The following BTBD9 variants were observed in gnomAD, a reference collection of about 807,000 sequenced individuals.
BTBD9 encodes BTB/POZ domain-containing protein 9.
Under a neutral mutation model 64.3 loss-of-function variants are expected in BTBD9, and 49 were observed. That is an observed-to-expected ratio of 0.76 (90% CI 0.61 to 0.97). The LOEUF is 0.97. BTBD9 is among the 50% of genes least tolerant of loss of function. The probability of loss-of-function intolerance (pLI) is 0.00; values close to 1 mark genes in which losing one functional copy is unlikely to be tolerated. For missense variants in BTBD9, 598 were observed against 762.1 expected (o/e 0.78, Z 2.53); for synonymous variants, 260 against 274.7 (o/e 0.95, Z 0.53).
intron 7 of BTBD9, among the ~76,000 whole-genome samples, chr6:38,301,492 G>C (rs1762402442): frequency 6.6e-6 from 1 of 152,112 alleles, no homozygotes; most frequent in South Asian, 2.1e-4. Flanking sequence ...TCTGGTCCTG[G>C]ACTTTTTTTG....
At chr6:38,587,495 T>C in intron 4 of BTBD9, 1 of 551,464 alleles carries the variant, frequency 1.8e-6, no homozygotes, top group Non-Finnish European at 3.5e-6. Context: ...GAAGTAACAA[T>C]AAAGTATAAA....
intron 6 of BTBD9, among the ~76,000 whole-genome samples, chr6:38,352,105 T>C (rs1046254868): frequency 2.0e-5 from 3 of 152,170 alleles, no homozygotes; most frequent in Non-Finnish European, 4.4e-5. Context: ...GGTCAGGCAC[T>C]GTAGCTCATG....
intron 10 of BTBD9, 49 bp from the exon 11 acceptor site, chr6:38,175,231 C>T (rs369547822): frequency 1.9e-5 from 31 of 1,599,010 alleles, no homozygotes; most frequent in Middle Eastern, 1.7e-4. Flanking sequence ...CAGCATGCGG[C>T]CCTGGAGTTG....
intron 6 of BTBD9, among the ~76,000 whole-genome samples, chr6:38,377,040 C>A (rs1448789186): frequency 1.3e-5 from 2 of 152,154 alleles, no homozygotes; most frequent in Admixed American, 6.5e-5. Context: ...TTTTAGTTGA[C>A]AGATGAGGTC....
chr6:38,178,134 AG>A (rs1383747428), intron 10 of BTBD9, among the ~76,000 whole-genome samples: 7 of 152,362 alleles, frequency 4.6e-5, no homozygotes, highest in African/African-American at 1.7e-4. Flanking sequence ...CAAGCCACGC[AG>A]GTGCTGCCAG....
chr6:38,175,546 CAGG>C (rs1761196280), intron 10 of BTBD9, among the ~76,000 whole-genome samples: 1 of 116,082 alleles, frequency 8.6e-6, no homozygotes, highest in Non-Finnish European at 2.1e-5. Context: ...TAAAAGTCAA[CAGG>C]AGTTGACTGG....
rs545293510 is a variant in BTBD9, at chr6:38,329,056, C to T, written c.1264+15928G>A. Among the ~76,000 whole-genome samples, 651 of 147,524 alleles carry T rather than the reference C, an allele frequency of 4.4e-3. 2 individuals carry two copies. Among genetic ancestry groups the T allele is most frequent in the Admixed American group, 6.2e-3 (91 of 14,752 alleles). ...ATCGATCTGGCTATAAAGATGGCAT[C>T]CTACTTCTATTTTATATTCTATTAT... On this transcript the variant is annotated intron_variant, in intron 7 of 10. Coordinates refer to ENST00000481247, the MANE Select transcript of BTBD9 (RefSeq NM_001099272.2).
intron 6 of BTBD9, among the ~76,000 whole-genome samples, chr6:38,545,900 A>T (rs1020186707): frequency 1.4e-5 from 2 of 139,040 alleles, no homozygotes; most frequent in African/African-American, 2.7e-5. Context: ...ACACACACAC[A>T]CTGCTCCAGG....
intron 6 of BTBD9, among the ~76,000 whole-genome samples, chr6:38,556,716 T>C (rs1043632541): frequency 1.3e-5 from 2 of 151,336 alleles, no homozygotes; most frequent in African/African-American, 4.9e-5. Flanking sequence ...GACAGCACTG[T>C]GTGTTTAAAA....
At chr6:38,361,895 C>T (rs890757852) in intron 6 of BTBD9, among the ~76,000 whole-genome samples, 2 of 151,292 alleles carry the variant, frequency 1.3e-5, no homozygotes, top group African/African-American at 2.4e-5. Context: ...AACAACTCCA[C>T]AAGTATTTCA....
intron 1 of BTBD9, among the ~76,000 whole-genome samples, chr6:38,604,529 A>G (rs1777360111): frequency 6.6e-6 from 1 of 152,218 alleles, no homozygotes; most frequent in South Asian, 2.1e-4. Context: ...AAGATTAATA[A>G]AAGTCTCTAC....
At chr6:38,377,150 C>T (rs917285934) in intron 6 of BTBD9, among the ~76,000 whole-genome samples, 1 of 152,116 alleles carries the variant, frequency 6.6e-6, no homozygotes, top group Non-Finnish European at 1.5e-5. Context: ...CAAAGTGCTA[C>T]CAGTCGATTT....
rs200888993 is a variant in BTBD9, at chr6:38,303,868, TATATATAC to T, written c.1265-15415_1265-15408del. Among the ~76,000 whole-genome samples, 2,823 of 117,068 alleles carry T rather than the reference TATATATAC, an allele frequency of 0.024. 194 individuals are homozygous for T. In the East Asian group the frequency reaches 0.3, roughly 13 times the overall value. 76.8% of individuals were successfully genotyped at this position (117,068 alleles called of 152,430 possible). A position where few individuals can be genotyped will look rare whatever the true frequency, so the allele number is the denominator to read the frequency against. On this transcript the variant is annotated intron_variant, in intron 7 of 10. Coordinates refer to ENST00000481247, the MANE Select transcript of BTBD9 (RefSeq NM_001099272.2). ...ATATATATATATATATATATATATA[TATATATAC>T]ACACACACACATGTGTATATATATA...
rs1766665092 is a variant in BTBD9, at chr6:38,169,603, C to G, written c.*5382G>C. 1 of 152,276 alleles carries G rather than the reference C, an allele frequency of 6.6e-6. No individual in the cohort carries two copies. Among genetic ancestry groups the G allele is most frequent in the Non-Finnish European group, 1.5e-5 (1 of 68,122 alleles). 9.4% of individuals were successfully genotyped at this position (152,276 alleles called of 1,614,324 possible). A position where few individuals can be genotyped will look rare whatever the true frequency, so the allele number is the denominator to read the frequency against. ...CTCTGCGCCAGGGCCAGGGCCTCTC[C>G]CCCTAGTGGAGCGACTGTCCACTGG... On this transcript the variant is annotated 3_prime_UTR_variant, in exon 11 of 11. Transcript: ENST00000481247.
intron 6 of BTBD9, among the ~76,000 whole-genome samples, chr6:38,498,393 TTTCA>T (rs1772048626): frequency 6.6e-6 from 1 of 151,752 alleles, no homozygotes; most frequent in Non-Finnish European, 1.5e-5. Flanking sequence ...GCTAAATTTC[TTTCA>T]TTATTTAGAG....
At position 38,174,645 on chromosome 6, in the gene BTBD9, C is replaced by A. The variant is rs1766919528; in HGVS notation, c.*340G>T. ...TCTCCTCCGCCTGAGTGTTTGCGTG[C>A]CATTTTTGTATTCCAACACAGGCCT... On this transcript the variant is annotated 3_prime_UTR_variant, in exon 11 of 11. Transcript: ENST00000481247. The A allele has an allele frequency of 7.2e-6, 2 of 277,040 alleles. No individual in the cohort carries two copies. The highest frequency in any genetic ancestry group is 2.2e-5 in the African/African-American group (1 of 46,426). The allele number at this position is 277,040 out of a possible 1,614,324, so 17.2% of individuals were successfully genotyped here.
intron 8 of BTBD9, among the ~76,000 whole-genome samples, chr6:38,284,169 T>C (rs1416727067): frequency 6.6e-6 from 1 of 152,054 alleles, no homozygotes; most frequent in Non-Finnish European, 1.5e-5. Context: ...GAGCTTCAAT[T>C]GCATGGATTT....
rs527456920 is a variant in BTBD9 at position 38,317,752 on chromosome 6, T to C, written c.1264+27232A>G. ...GCCTGTCTTCAAGCTCAGGCTTTTC[T>C]TTTTTCTGCTTGATCAGTTCTGCTA... On this transcript the variant is annotated intron_variant, in intron 7 of 10. Coordinates refer to ENST00000481247, the MANE Select transcript of BTBD9 (RefSeq NM_001099272.2). 4.9e-4 allele frequency among the ~76,000 whole-genome samples: 75 copies of C among 152,254 alleles called. 1 individual carries two copies. The South Asian group carries it at 0.015, about 31-fold the overall frequency.
chr6:38,503,485 C>A (rs1772309852), intron 6 of BTBD9, among the ~76,000 whole-genome samples: 1 of 152,150 alleles, frequency 6.6e-6, no homozygotes, highest in African/African-American at 2.4e-5. Flanking sequence ...ACAGCCCTCT[C>A]AAGTTACTAT....
Sources: gnomAD v4.1 joint callset for allele counts (sites outside exome capture counted in the v4.1 genomes callset) on GRCh38, gnomAD v4.1.1 for gene constraint, MANE v1.5 for transcripts, NCBI Gene and HGNC (gene_info 2026-07-23, HGNC 2026-07-21) for gene names.